ATP6V1H: variants seen among roughly 807,000 people sequenced by gnomAD.
The protein encoded by ATP6V1H is ATPase H+ transporting V1 subunit H, also known as V-type proton ATPase subunit H.
In ATP6V1H, 39 loss-of-function variants were observed where a neutral mutation model predicts 71.7. The ratio of observed to expected loss-of-function variants is 0.54; its 90% CI spans 0.42 to 0.71. The LOEUF is 0.71. ATP6V1H is among the 30% of genes least tolerant of loss of function. ATP6V1H has a pLI of 0.00. For synonymous variants in ATP6V1H, 192 were observed against 199.3 expected (o/e 0.96, Z 0.31); for missense variants, 509 against 594.9 (o/e 0.86, Z 1.50).
At chr8:53,785,373 T>C (rs541372186) in intron 9 of ATP6V1H, among the ~76,000 whole-genome samples, 88 of 152,358 alleles carry the variant, frequency 5.8e-4, no homozygotes, top group African/African-American at 2.0e-3. Flanking sequence ...TCTCGTGCCG[T>C]GGTTTTCAGC....
intron 4 of ATP6V1H, among the ~76,000 whole-genome samples, chr8:53,828,357 T>G (rs1810889460): frequency 6.6e-6 from 1 of 152,190 alleles, no homozygotes; most frequent in South Asian, 2.1e-4. Context: ...CCTGTGGTGC[T>G]GCGCTGAAAT....
chr8:53,741,020 C>A (rs1299021405), intron 13 of ATP6V1H, among the ~76,000 whole-genome samples: 1 of 151,888 alleles, frequency 6.6e-6, no homozygotes, highest in Non-Finnish European at 1.5e-5. Context: ...AGGAGATAAT[C>A]GTAGTTAAAA....
rs563179854 is a variant in ATP6V1H, at chr8:53,758,796, T to C, written c.1176-2140A>G. On this transcript the variant is annotated intron_variant, in intron 11 of 13. Transcript: ENST00000359530. The stretch of plus-strand genomic sequence containing the variant: ...CAGATGCCATCTGTTTTTGTAAATG[T>C]TTTACTGGAACACAGCCAGGCTCAT... Among the ~76,000 whole-genome samples, 292 of 152,352 alleles carry C rather than the reference T, an allele frequency of 1.9e-3. 2 individuals are homozygous for C. The highest frequency in any genetic ancestry group is 6.7e-3 in the African/African-American group (278 of 41,584).
At chr8:53,764,414 C>A (rs955136011) in intron 11 of ATP6V1H, among the ~76,000 whole-genome samples, 5 of 151,874 alleles carry the variant, frequency 3.3e-5, no homozygotes, top group Non-Finnish European at 7.4e-5. Context: ...CATCAACAGG[C>A]TAAAAAAGAA....
At chr8:53,791,774 C>G (rs770609113) in intron 9 of ATP6V1H, among the ~76,000 whole-genome samples, 2 of 152,174 alleles carry the variant, frequency 1.3e-5, no homozygotes, top group Middle Eastern at 3.2e-3. Flanking sequence ...TTCCTCCCTT[C>G]GTCACTCATC....
chr8:53,780,462 CT>C (rs1347975530), intron 9 of ATP6V1H, among the ~76,000 whole-genome samples: 1 of 152,058 alleles, frequency 6.6e-6, no homozygotes, highest in Non-Finnish European at 1.5e-5. Context: ...AGTTAAGAAA[CT>C]GAATCTGCCA....
intron 11 of ATP6V1H, among the ~76,000 whole-genome samples, chr8:53,759,159 ATGT>A (rs1462049251): frequency 6.6e-6 from 1 of 152,234 alleles, no homozygotes; most frequent in Non-Finnish European, 1.5e-5. Context: ...GAGTCAGATA[ATGT>A]TAGAACTGGA....
chr8:53,787,955 A>AG (rs760237680), intron 9 of ATP6V1H, among the ~76,000 whole-genome samples: 47 of 152,212 alleles, frequency 3.1e-4, no homozygotes, highest in Non-Finnish European at 5.4e-4. Flanking sequence ...CAAAAAAAAA[A>AG]TTTCCCTGAG....
chr8:53,822,067 A>G (rs1810682260), intron 4 of ATP6V1H, among the ~76,000 whole-genome samples: 1 of 152,214 alleles, frequency 6.6e-6, no homozygotes, highest in Admixed American at 6.5e-5. Flanking sequence ...AAGTAAAACT[A>G]AATTATAAGG....
At chr8:53,818,920 A>G (rs1585822794) in intron 4 of ATP6V1H, among the ~76,000 whole-genome samples, 2 of 152,196 alleles carry the variant, frequency 1.3e-5, no homozygotes, top group Admixed American at 1.3e-4. Flanking sequence ...CTAAACTATA[A>G]TGAGGGCCAG....
At chr8:53,738,094 T>C (rs757388702) in intron 13 of ATP6V1H, among the ~76,000 whole-genome samples, 2 of 152,158 alleles carry the variant, frequency 1.3e-5, no homozygotes, top group Non-Finnish European at 2.9e-5. Context: ...CCAACCATTC[T>C]ATTGAGTTTA....
At chr8:53,786,828 A>G (rs1809400968) in intron 9 of ATP6V1H, among the ~76,000 whole-genome samples, 1 of 152,210 alleles carries the variant, frequency 6.6e-6, no homozygotes, top group Non-Finnish European at 1.5e-5. Flanking sequence ...TCAGGTGACA[A>G]TTCAGATCTT....
At chr8:53,766,106 A>T (rs1808451786) in intron 11 of ATP6V1H, among the ~76,000 whole-genome samples, 1 of 152,228 alleles carries the variant, frequency 6.6e-6, no homozygotes, top group South Asian at 2.1e-4. Context: ...GAAACTACAC[A>T]ATACAAAGAG....
At chr8:53,743,721 T>C (rs901956564) in intron 12 of ATP6V1H, 31 bp from the exon 13 acceptor site, 6 of 1,490,562 alleles carry the variant, frequency 4.0e-6, no homozygotes, top group South Asian at 1.2e-5. Flanking sequence ...GTGAGGAAGA[T>C]GCAATTACTC....
intron 7 of ATP6V1H, among the ~76,000 whole-genome samples, chr8:53,805,292 T>C (rs776730065): frequency 2.0e-5 from 3 of 152,202 alleles, no homozygotes; most frequent in Admixed American, 2.0e-4. Context: ...CACATTGGTA[T>C]CAGTGAACCA....
At chr8:53,785,259 ACTTCT>A (rs1220625193) in intron 9 of ATP6V1H, among the ~76,000 whole-genome samples, 2 of 151,752 alleles carry the variant, frequency 1.3e-5, no homozygotes, top group South Asian at 2.1e-4. Flanking sequence ...TTTTCTCTAA[ACTTCT>A]CTTATCACTT....
chr8:53,727,460 A>G (rs1370995345), intron 13 of ATP6V1H, among the ~76,000 whole-genome samples: 1 of 152,202 alleles, frequency 6.6e-6, no homozygotes, highest in African/African-American at 2.4e-5. Context: ...CTCTTCTGTC[A>G]GCCCATTCCA....
At chr8:53,796,722 T>C (rs1047695189) in intron 8 of ATP6V1H, among the ~76,000 whole-genome samples, 3 of 152,240 alleles carry the variant, frequency 2.0e-5, no homozygotes, top group Non-Finnish European at 4.4e-5. Context: ...GGAACAAATA[T>C]ACCATACTAA....
chr8:53,816,512 TG>T, intron 5 of ATP6V1H, among the ~76,000 whole-genome samples: 1 of 152,152 alleles, frequency 6.6e-6, no homozygotes, highest in South Asian at 2.1e-4. Context: ...AAAACAGGAG[TG>T]TAGGCCGGGT....
Sources: allele counts gnomAD v4.1 joint callset (sites outside exome capture counted in the v4.1 genomes callset), GRCh38; gene constraint gnomAD v4.1.1; transcripts MANE v1.5; gene names NCBI Gene and HGNC (gene_info 2026-07-23, HGNC 2026-07-21).